Variants in HEATR4 observed in about 807,000 individuals in gnomAD.
HEATR4 encodes HEAT repeat containing 4.
Under a neutral mutation model 108.8 loss-of-function variants are expected in HEATR4, and 95 were observed. The ratio of observed to expected loss-of-function variants is 0.87; its 90% CI spans 0.74 to 1.04. HEATR4 has a LOEUF of 1.04. Among genes scored for constraint, HEATR4 ranks in the 50% least tolerant of loss-of-function variants. The probability of loss-of-function intolerance (pLI) is 0.00; values close to 1 mark genes in which losing one functional copy is unlikely to be tolerated. For synonymous variants in HEATR4, 443 were observed against 459.4 expected (o/e 0.96, Z 0.46); for missense variants, 1,152 against 1,253.8 (o/e 0.92, Z 1.23).
chr14:73,593,722 A>G, the HEATR4 span: 1 of 1,612,360 alleles, frequency 6.2e-7, no homozygotes, highest in South Asian at 1.1e-5. Context: ...CTTCCCAGGG[A>G]TCATTGACAT....
the HEATR4 span, chr14:73,612,830 G>A: frequency 2.8e-6 from 4 of 1,424,810 alleles, no homozygotes; most frequent in Non-Finnish European, 3.7e-6. Flanking sequence ...GTTGGAGCCC[G>A]AGAAAGCCTT....
At chr14:73,498,057 C>T in intron 14 of HEATR4, 98 bp downstream of exon 14, 2 of 1,148,262 alleles carry the variant, frequency 1.7e-6, no homozygotes, top group Non-Finnish European at 2.5e-6. Flanking sequence ...CTTTTACTGC[C>T]ATTAGGTAGC....
chr14:73,605,565 T>C, the HEATR4 span, among the ~76,000 whole-genome samples: 1 of 86,598 alleles, frequency 1.2e-5, no homozygotes, highest in East Asian at 3.9e-4. Context: ...TCTTTTTTTT[T>C]TTTTTTTTTT....
chr14:73,537,466 G>C lies in HEATR4; in HGVS notation c.-151-7222C>G, dbSNP rs754975239. 57 of 1,229,876 alleles carry C rather than the reference G, an allele frequency of 4.6e-5. 18 individuals carry two copies. The highest frequency in any genetic ancestry group is 6.0e-5 in the Non-Finnish European group (56 of 929,404). 76.2% of individuals were successfully genotyped at this position (1,229,876 alleles called of 1,614,324 possible). A position where few individuals can be genotyped will look rare whatever the true frequency, so the allele number is the denominator to read the frequency against. ...TGGAGCCCGCGGGCCGCTGCTGCTG[G>C]GACGAACCGGTGCGAATCGCCGTGC... is the stretch of plus-strand genomic sequence containing the variant. On this transcript the variant is annotated intron_variant, in intron 1 of 17. Transcript: ENST00000553558.
the HEATR4 span, among the ~76,000 whole-genome samples, chr14:73,623,252 C>T: frequency 7.2e-5 from 11 of 152,272 alleles, no homozygotes; most frequent in African/African-American, 2.4e-4. Flanking sequence ...ATTAGTTACA[C>T]AAAATTTACA....
chr14:73,524,310 A>AAAAAATATATATATATATATAT, intron 2 of HEATR4, among the ~76,000 whole-genome samples: 3 of 54,780 alleles, frequency 5.5e-5, no homozygotes, highest in African/African-American at 1.8e-4. Flanking sequence ...AAAAAAAAAA[A>AAAAAATATATATATATATATAT]ATATATATAT....
At chr14:73,527,919 C>T (rs534853564) in intron 2 of HEATR4, among the ~76,000 whole-genome samples, 2 of 141,104 alleles carry the variant, frequency 1.4e-5, no homozygotes, top group South Asian at 4.4e-4. Context: ...GCAGAGGTTG[C>T]CACCGTACTC....
chr14:73,633,122 A>C, the HEATR4 span, among the ~76,000 whole-genome samples: 1 of 149,482 alleles, frequency 6.7e-6, no homozygotes, highest in African/African-American at 2.5e-5. Flanking sequence ...CTCTCGCCTC[A>C]GCCTCCCGAG....
At chr14:73,602,489 C>T in the HEATR4 span, among the ~76,000 whole-genome samples, 5 of 152,130 alleles carry the variant, frequency 3.3e-5, no homozygotes, top group African/African-American at 1.2e-4. Context: ...CTTCTTCCAC[C>T]CCGCTTCTCA....
chr14:73,561,243 G>A (rs1001145438), upstream of HEATR4, among the ~76,000 whole-genome samples: 1 of 151,910 alleles, frequency 6.6e-6, no homozygotes, highest in African/African-American at 2.4e-5. Context: ...GCAGGCGCCT[G>A]TAATCCCAGC....
At chr14:73,632,801 G>A in the HEATR4 span, among the ~76,000 whole-genome samples, 23 of 139,530 alleles carry the variant, frequency 1.6e-4, no homozygotes, top group Non-Finnish European at 3.0e-4. Flanking sequence ...CCAAGATCAC[G>A]CCATTGCACT....
chr14:73,574,438 G>T, the HEATR4 span: 3 of 246,712 alleles, frequency 1.2e-5, no homozygotes, highest in Non-Finnish European at 2.4e-5. Context: ...GCTAATTCTT[G>T]TATTTTTAGT....
the HEATR4 span, among the ~76,000 whole-genome samples, chr14:73,565,436 A>G: frequency 7.0e-6 from 1 of 142,448 alleles, no homozygotes; most frequent in Admixed American, 7.3e-5. Flanking sequence ...CCCAGGCTGG[A>G]GTGCAGTGGC....
intron 8 of HEATR4, 41 bp from the exon 9 acceptor site, chr14:73,508,335 GT>G: frequency 6.3e-7 from 1 of 1,597,810 alleles, no homozygotes; most frequent in Non-Finnish European, 8.6e-7. Flanking sequence ...ATGGTGATGT[GT>G]TTTCCCCCTA....
chr14:73,497,786 CT>C, intron 14 of HEATR4, among the ~76,000 whole-genome samples: 1 of 152,210 alleles, frequency 6.6e-6, no homozygotes, highest in African/African-American at 2.4e-5. Context: ...GCCACCATGC[CT>C]GGCTAATTTT....
intron 17 of HEATR4, among the ~76,000 whole-genome samples, chr14:73,479,105 A>ATTTTT (rs201176343): frequency 1.3e-5 from 2 of 149,724 alleles, no homozygotes; most frequent in African/African-American, 5.0e-5. Context: ...CGCCCAGCTA[A>ATTTTT]TTTTTTTGTT....
At chr14:73,601,110 C>A in the HEATR4 span, among the ~76,000 whole-genome samples, 1 of 151,960 alleles carries the variant, frequency 6.6e-6, no homozygotes, top group Non-Finnish European at 1.5e-5. Context: ...CACTGCACTC[C>A]AGCCTGGATG....
chr14:73,484,963 A>C (rs1426139331), intron 17 of HEATR4, among the ~76,000 whole-genome samples: 12 of 152,070 alleles, frequency 7.9e-5, no homozygotes, highest in Admixed American at 5.2e-4. Context: ...CAGCAGTTTG[A>C]GACCAGCTTA....
the HEATR4 span, chr14:73,571,519 T>A: frequency 6.6e-6 from 1 of 151,990 alleles, no homozygotes. Context: ...CGTGGGCCAC[T>A]TTATCCACCA....
Sources: allele counts gnomAD v4.1 joint callset (sites outside exome capture counted in the v4.1 genomes callset), GRCh38; gene constraint gnomAD v4.1.1; transcripts MANE v1.5; gene names NCBI Gene and HGNC (gene_info 2026-07-23, HGNC 2026-07-21).